The following SLC16A7 variants were observed in gnomAD, a reference collection of about 807,000 sequenced individuals.
SLC16A7 encodes solute carrier family 16 member 7.
In SLC16A7, 33 loss-of-function variants were observed where a neutral mutation model predicts 34.9. That is an observed-to-expected ratio of 0.94 (90% CI 0.72 to 1.26). The LOEUF (loss-of-function observed/expected upper bound fraction) is 1.26, where lower values mean the gene tolerates loss of function less well. Among genes scored for constraint, SLC16A7 ranks in the 50% most tolerant of loss-of-function variants. SLC16A7 has a pLI of 0.00. For missense variants in SLC16A7, 573 were observed against 578.1 expected (o/e 0.99, Z 0.09); for synonymous variants, 201 against 206.6 (o/e 0.97, Z 0.23).
chr12:59,683,058 C>T (rs1217253610), intron 2 of SLC16A7, among the ~76,000 whole-genome samples: 1 of 150,808 alleles, frequency 6.6e-6, no homozygotes. Flanking sequence ...AAGAGTGAAA[C>T]TCTGTCTTGA....
chr12:59,682,379 A>G (rs1870809822), intron 2 of SLC16A7, among the ~76,000 whole-genome samples: 1 of 152,200 alleles, frequency 6.6e-6, no homozygotes, highest in African/African-American at 2.4e-5. Context: ...ATAAAAAAGT[A>G]AAGTTCAGCA....
chr12:59,640,013 A>T (rs1046684747), intron 1 of SLC16A7, among the ~76,000 whole-genome samples: 8 of 152,258 alleles, frequency 5.3e-5, no homozygotes, highest in Admixed American at 4.6e-4. Flanking sequence ...AACTCAAGGG[A>T]ACATTTTCTT....
chr12:59,636,506 C>T (rs1880434032), intron 1 of SLC16A7, among the ~76,000 whole-genome samples: 1 of 151,862 alleles, frequency 6.6e-6, no homozygotes, highest in African/African-American at 2.4e-5. Flanking sequence ...ACTGTGTTGC[C>T]CAGGTTGTAG....
chr12:59,754,740 C>T (rs1418405825), intron 3 of SLC16A7, among the ~76,000 whole-genome samples: 1 of 152,142 alleles, frequency 6.6e-6, no homozygotes, highest in African/African-American at 2.4e-5. Context: ...AGAGGGAATC[C>T]TCCCTAACTC....
chr12:59,684,973 C>T (rs1221119057), intron 2 of SLC16A7, among the ~76,000 whole-genome samples: 1 of 152,038 alleles, frequency 6.6e-6, no homozygotes, highest in Non-Finnish European at 1.5e-5. Flanking sequence ...ACAGGTATGC[C>T]ATCAATCCCC....
In SLC16A7 at chr12:59,783,355, A is replaced by G. The variant is rs1883378567; in HGVS notation, c.*3676A>G. 1 of 152,142 alleles carries G rather than the reference A, an allele frequency of 6.6e-6. No individual in the cohort carries two copies. Among genetic ancestry groups the G allele is most frequent in the Non-Finnish European group, 1.5e-5 (1 of 68,016 alleles). 9.4% of individuals were successfully genotyped at this position (152,142 alleles called of 1,614,324 possible). On this transcript the variant is annotated 3_prime_UTR_variant, in exon 6 of 6. Coordinates refer to ENST00000547379, the MANE Select transcript of SLC16A7 (RefSeq NM_001270623.2). ...ATGGCAGAATTATTACTAGCTTGAT[A>G]TGACAGATGAGTGAAAACAAAAAAC...
intron 2 of SLC16A7, among the ~76,000 whole-genome samples, chr12:59,680,768 A>G (rs923633625): frequency 1.4e-4 from 22 of 152,294 alleles, no homozygotes; most frequent in Admixed American, 8.5e-4. Flanking sequence ...TTTGTTGAAC[A>G]AATGAATAGA....
intron 1 of SLC16A7, among the ~76,000 whole-genome samples, chr12:59,646,662 C>T (rs1446400638): frequency 1.3e-5 from 2 of 152,122 alleles, no homozygotes; most frequent in African/African-American, 4.8e-5. Context: ...GGGCCACCAT[C>T]CCCTGGAACC....
In SLC16A7 at chr12:59,785,313, TCTCTC is replaced by T. The variant is rs1486850640; in HGVS notation, c.*5639_*5643del. 1 of 152,160 alleles carries T rather than the reference TCTCTC, an allele frequency of 6.6e-6. No homozygotes were observed. The highest frequency in any genetic ancestry group is 1.5e-5 in the Non-Finnish European group (1 of 68,006). The allele number at this position is 152,160 out of a possible 1,614,324, so 9.4% of individuals were successfully genotyped here. The stretch of plus-strand genomic sequence containing the variant: ...GCTACAATCTGGTTTATTTTAGTCT[TCTCTC>T]CTCTACTGCTTTTTCTTCACTTTAA... On this transcript the variant is annotated 3_prime_UTR_variant, in exon 6 of 6. Coordinates refer to ENST00000547379, the MANE Select transcript of SLC16A7 (RefSeq NM_001270623.2).
At chr12:59,736,207 G>A (rs918822281) in intron 3 of SLC16A7, among the ~76,000 whole-genome samples, 1 of 152,070 alleles carries the variant, frequency 6.6e-6, no homozygotes, top group African/African-American at 2.4e-5. Flanking sequence ...CAAAATATTA[G>A]CAGAAACAAC....
In SLC16A7 at chr12:59,789,330, TTCTTTATTTA is replaced by T. The variant is rs1883836635; in HGVS notation, c.*9652_*9661del. Reference sequence around the variant, plus strand: ...TAGAAAACAAAACACCTGTAGCATTTTCTTTATTTAAAATTGAAACTCTGTTTTGAATCCT... The same window carrying T: ...TAGAAAACAAAACACCTGTAGCATTTAAATTGAAACTCTGTTTTGAATCCT... On this transcript the variant is annotated 3_prime_UTR_variant, in exon 6 of 6. Transcript: ENST00000547379. 6.6e-6 allele frequency: 1 copy of T among 152,188 alleles called. No individual in the cohort carries two copies. Among genetic ancestry groups the T allele is most frequent in the Admixed American group, 6.5e-5 (1 of 15,270 alleles). The allele number at this position is 152,188 out of a possible 1,614,324, so 9.4% of individuals were successfully genotyped here. A position where few individuals can be genotyped will look rare whatever the true frequency, so the allele number is the denominator to read the frequency against.
At chr12:59,755,859 C>T (rs971962218) in intron 3 of SLC16A7, among the ~76,000 whole-genome samples, 3 of 152,140 alleles carry the variant, frequency 2.0e-5, no homozygotes, top group African/African-American at 7.2e-5. Flanking sequence ...TCAAACTATA[C>T]TACAAGGCTA....
chr12:59,715,482 CA>C (rs1204072444), intron 3 of SLC16A7, among the ~76,000 whole-genome samples: 1 of 152,106 alleles, frequency 6.6e-6, no homozygotes, highest in African/African-American at 2.4e-5. Context: ...CCATTTTAAA[CA>C]GAAGAATTAC....
At chr12:59,704,580 A>AT (rs1873336446) in intron 2 of SLC16A7, among the ~76,000 whole-genome samples, 192 bp from the exon 3 acceptor site, 1 of 152,162 alleles carries the variant, frequency 6.6e-6, no homozygotes, top group East Asian at 1.9e-4. Context: ...GCCCACAATA[A>AT]TCAAAGGTAT....
intron 2 of SLC16A7, among the ~76,000 whole-genome samples, chr12:59,703,761 A>G (rs1394645103): frequency 6.6e-6 from 1 of 152,120 alleles, no homozygotes; most frequent in Non-Finnish European, 1.5e-5. Context: ...AACAGAATAG[A>G]TTTCAGGTGT....
At position 59,737,713 on chromosome 12, in the gene SLC16A7, T is replaced by C. The variant is rs111349053; in HGVS notation, c.217+32695T>C. Among the ~76,000 whole-genome samples, 171 of 152,296 alleles carry C rather than the reference T, an allele frequency of 1.1e-3. 2 individuals carry two copies. The highest frequency in any genetic ancestry group is 4.0e-3 in the African/African-American group (167 of 41,568). The stretch of plus-strand genomic sequence containing the variant: ...TCTTTAGATTGTCCTGACTCTAGCC[T>C]GTCCCTGTTACACAATTTTCCCTAG... On this transcript the variant is annotated intron_variant, in intron 3 of 5. Transcript: ENST00000547379.
chr12:59,617,268 C>T lies in SLC16A7; in HGVS notation c.-130+21032C>T, dbSNP rs1220685967. 3.3e-5 allele frequency among the ~76,000 whole-genome samples: 5 copies of T among 151,994 alleles called. No homozygotes were observed. In the South Asian group the frequency reaches 6.2e-4, roughly 19 times the overall value. On this transcript the variant is annotated intron_variant, in intron 1 of 5. Coordinates refer to ENST00000547379, the MANE Select transcript of SLC16A7 (RefSeq NM_001270623.2). ...ATTAAATATATGCACCCTTCTCATC[C>T]GTTTTATTAATATACTCATAAAATC...
At chr12:59,704,737 A>G in intron 2 of SLC16A7, 35 bp from the exon 3 acceptor site, 1 of 1,139,088 alleles carries the variant, frequency 8.8e-7, no homozygotes, top group Non-Finnish European at 1.3e-6. Flanking sequence ...AAGGGGAAAT[A>G]AAATTTAAAC....
intron 1 of SLC16A7, among the ~76,000 whole-genome samples, chr12:59,610,540 T>C (rs1444776793): frequency 6.6e-6 from 1 of 152,174 alleles, no homozygotes; most frequent in Non-Finnish European, 1.5e-5. Context: ...CAATTATACT[T>C]TAATGAGAAT....
Sources: allele counts gnomAD v4.1 joint callset (sites outside exome capture counted in the v4.1 genomes callset), GRCh38; gene constraint gnomAD v4.1.1; transcripts MANE v1.5; gene names NCBI Gene and HGNC (gene_info 2026-07-23, HGNC 2026-07-21).